The following TBCD variants were observed in gnomAD, a reference collection of about 807,000 sequenced individuals.
TBCD encodes tubulin folding cofactor D, also known as tubulin-specific chaperone D.
TBCD carries 105 observed loss-of-function variants against 169.3 expected under a neutral mutation model. That is an observed-to-expected ratio of 0.62 (90% CI 0.53 to 0.73). The LOEUF (loss-of-function observed/expected upper bound fraction) is 0.73. TBCD is among the 30% of genes least tolerant of loss of function. The pLI is 0.00. For synonymous variants in TBCD, 700 were observed against 643.9 expected (o/e 1.09, Z -1.32); for missense variants, 1,444 against 1,600.1 (o/e 0.90, Z 1.66).
chr17:82,900,982 C>A (rs1411422134), intron 18 of TBCD, among the ~76,000 whole-genome samples: 1 of 152,234 alleles, frequency 6.6e-6, no homozygotes, highest in African/African-American at 2.4e-5. Flanking sequence ...TCCACGCTGG[C>A]GTGTTGTGGA....
chr17:82,880,530 G>A lies in TBCD; in HGVS notation c.1476-3615G>A, dbSNP rs1308121481. Among the ~76,000 whole-genome samples, 1 of 152,230 alleles carries A rather than the reference G, an allele frequency of 6.6e-6. No homozygotes were observed. The highest frequency in any genetic ancestry group is 1.5e-5 in the Non-Finnish European group (1 of 68,034). On this transcript the variant is annotated intron_variant, in intron 14 of 38. Coordinates refer to ENST00000355528, the MANE Select transcript of TBCD (RefSeq NM_005993.5). This position sits in a 1 kb window ranked among gnomAD's most constrained non-coding sequence, Gnocchi z 5.0. ...CCAGGGTAGTTGGGCTTATGACTTT[G>A]TTGTTGTTTACGTGGAGGAACTGAA...
intron 13 of TBCD, among the ~76,000 whole-genome samples, chr17:82,820,368 G>C (rs2052315491): frequency 6.6e-6 from 1 of 152,152 alleles, no homozygotes; most frequent in African/African-American, 2.4e-5. Context: ...AAAATGTCAA[G>C]TGTTCTGATC....
At chr17:82,812,114 C>G (rs906772475) in intron 12 of TBCD, among the ~76,000 whole-genome samples, 2 of 152,052 alleles carry the variant, frequency 1.3e-5, no homozygotes, top group Non-Finnish European at 2.9e-5. Context: ...GGAAGTAGCG[C>G]CAGACCCCAG....
intron 3 of TBCD, among the ~76,000 whole-genome samples, chr17:82,766,065 C>T (rs541203575): frequency 1.2e-4 from 19 of 152,276 alleles, no homozygotes; most frequent in East Asian, 7.7e-4. Flanking sequence ...GCTGGGATTA[C>T]GGGTGTGAGC....
intron 13 of TBCD, among the ~76,000 whole-genome samples, chr17:82,854,269 A>C (rs2056064773): frequency 6.6e-6 from 1 of 152,208 alleles, no homozygotes; most frequent in African/African-American, 2.4e-5. Flanking sequence ...AACACAGGTA[A>C]ACAACACACA....
intron 13 of TBCD, among the ~76,000 whole-genome samples, chr17:82,869,553 G>A (rs2057413222): frequency 6.6e-6 from 1 of 152,232 alleles, no homozygotes; most frequent in Non-Finnish European, 1.5e-5. Context: ...TCACACTTGT[G>A]TGATGTCAGA....
chr17:82,882,539 C>T (rs529386119), intron 14 of TBCD, among the ~76,000 whole-genome samples: 3 of 152,292 alleles, frequency 2.0e-5, no homozygotes, highest in African/African-American at 4.8e-5. Flanking sequence ...CTCATGGGGC[C>T]GAGGAGAGAG....
intron 6 of TBCD, 45 bp downstream of exon 6, chr17:82,772,552 TGA>T: frequency 6.2e-7 from 1 of 1,602,388 alleles, no homozygotes; most frequent in African/African-American, 1.3e-5. Context: ...TGGTGGGTTC[TGA>T]GAGGGGTTTG....
chr17:82,839,660 C>G (rs2054298417), intron 13 of TBCD, among the ~76,000 whole-genome samples: 1 of 152,144 alleles, frequency 6.6e-6, no homozygotes, highest in African/African-American at 2.4e-5. Context: ...GTTGGTTTAA[C>G]TTTTATGAAT....
Position 82,889,521 on chromosome 17 carries a change from T to C in TBCD, c.1534-147T>C. On this transcript the variant is annotated intron_variant, in intron 15 of 38. Transcript: ENST00000355528. This position sits in a 1 kb window ranked among gnomAD's most constrained non-coding sequence, Gnocchi z 5.3. The stretch of plus-strand genomic sequence containing the variant: ...GACGTAAAAACAGAGTGACGCACCT[T>C]GAGGCTCTGTTCAGCCAACAATGAG... 1.1e-6 allele frequency: 1 copy of C among 883,104 alleles called. No homozygotes were observed. 54.7% of individuals were successfully genotyped at this position (883,104 alleles called of 1,614,324 possible).
intron 6 of TBCD, among the ~76,000 whole-genome samples, chr17:82,779,305 A>G (rs896553448): frequency 5.9e-5 from 9 of 152,152 alleles, no homozygotes; most frequent in Non-Finnish European, 1.0e-4. Flanking sequence ...CGCCTGGCCA[A>G]GATGGGGGTC....
chr17:82,836,866 A>C (rs1197069279), intron 13 of TBCD, among the ~76,000 whole-genome samples: 1 of 152,210 alleles, frequency 6.6e-6, no homozygotes, highest in Admixed American at 6.6e-5. Context: ...TCTGTTTTCT[A>C]GTCAGATTTG....
intron 9 of TBCD, among the ~76,000 whole-genome samples, chr17:82,803,501 A>T (rs1212860232): frequency 6.6e-6 from 1 of 152,172 alleles, no homozygotes; most frequent in Non-Finnish European, 1.5e-5. Context: ...CCTCTGTCTC[A>T]GCAGCTCTCT....
chr17:82,905,961 A>T lies in TBCD; in HGVS notation c.1830A>T (p.Thr610=). The change falls in exon 20 of 39, where the codon ACA becomes ACT. Residue 610 remains threonine (T), a synonymous_variant. Coordinates refer to ENST00000355528, the MANE Select transcript of TBCD (RefSeq NM_005993.5). ...TQVFPRLLSM[T]LSPDLHMRHG... ...TCTTCCCGAGGCTGCTGTCCATGACACTGAGTCCAGATCTTCACATGAGGC... is the reference window on the plus strand; with the variant it reads ...TCTTCCCGAGGCTGCTGTCCATGACTCTGAGTCCAGATCTTCACATGAGGC... 6.2e-7 allele frequency: 1 copy of T among 1,613,038 alleles called. No individual in the cohort carries two copies. The highest frequency in any genetic ancestry group is 8.5e-7 in the Non-Finnish European group (1 of 1,179,490).
At position 82,941,380 on chromosome 17, in the gene TBCD, G is replaced by T. The variant is rs1175897395; in HGVS notation, c.3480-19G>T. ...CCGGTGGGCACTCGAGAGACTCACG[G>T]CTCTCCCTCTCCTCACAGGGACGCG... On this transcript the variant is annotated intron_variant, in intron 37 of 38. Transcript: ENST00000355528. The T allele has an allele frequency of 1.3e-6, 2 of 1,569,014 alleles. No homozygotes were observed. Among genetic ancestry groups the T allele is most frequent in the Non-Finnish European group, 1.7e-6 (2 of 1,162,672 alleles).
At position 82,929,471 on chromosome 17, in the gene TBCD, G is replaced by C. The variant is rs1021690085; in HGVS notation, c.2962G>C (p.Val988Leu). The C allele has an allele frequency of 3.1e-6, 5 of 1,609,440 alleles. No individual in the cohort carries two copies. Among genetic ancestry groups the C allele is most frequent in the Non-Finnish European group, 4.2e-6 (5 of 1,179,862 alleles). ...CTACCACGTCCTGCTGGGGCTAGTCGTGTCCCTGGGCGGCTTGACGGAGTC... is the reference window on the plus strand; with the variant it reads ...CTACCACGTCCTGCTGGGGCTAGTCCTGTCCCTGGGCGGCTTGACGGAGTC... ...YRYHVLLGLV[V>L]SLGGLTESTI... Residue 988 changes from valine (V) to leucine (L), a missense_variant, in exon 32 of 39, where the codon GTG becomes CTG. Transcript: ENST00000355528.
intron 13 of TBCD, among the ~76,000 whole-genome samples, chr17:82,853,458 A>T (rs991650779): frequency 6.6e-6 from 1 of 151,374 alleles, no homozygotes; most frequent in Non-Finnish European, 1.5e-5. Flanking sequence ...GCTGGAGTGC[A>T]GTGGCTCACT....
In TBCD at chr17:82,933,959, C is replaced by T. The variant is rs1365668959; in HGVS notation, c.3191+1224C>T. Among the ~76,000 whole-genome samples the T allele has an allele frequency of 5.3e-5, 8 of 152,248 alleles. No individual in the cohort carries two copies. In the East Asian group the frequency reaches 1.3e-3, roughly 26 times the overall value. The stretch of plus-strand genomic sequence containing the variant: ...CAGGTGGACCCAGAGCTGTGCTGGT[C>T]TCCAGGGTTTTCTGCCCCTTTAAGG... On this transcript the variant is annotated intron_variant, in intron 34 of 38. Transcript: ENST00000355528.
intron 16 of TBCD, among the ~76,000 whole-genome samples, chr17:82,892,191 T>G (rs1416144544): frequency 6.6e-6 from 1 of 151,716 alleles, no homozygotes; most frequent in Non-Finnish European, 1.5e-5. Context: ...GGACACAGAG[T>G]CCCCTTGTTC....
Sources: allele counts gnomAD v4.1 joint callset (sites outside exome capture counted in the v4.1 genomes callset), GRCh38; gene constraint gnomAD v4.1.1; non-coding constraint Gnocchi (gnomAD v3.1); transcripts MANE v1.5; gene names NCBI Gene and HGNC (gene_info 2026-07-23, HGNC 2026-07-21).